MYO18B: variants seen among roughly 807,000 people sequenced by gnomAD.
The protein encoded by MYO18B is unconventional myosin-XVIIIb.
In MYO18B, 204 loss-of-function variants were observed where a neutral mutation model predicts 273.0. The ratio of observed to expected loss-of-function variants is 0.75; its 90% confidence interval spans 0.67 to 0.84. MYO18B has a LOEUF of 0.84. Ranked by LOEUF, MYO18B falls within the 40% of genes least tolerant of loss-of-function variation. MYO18B has a pLI of 0.00. For missense variants in MYO18B, 3,212 were observed against 3,287.6 expected (o/e 0.98, Z 0.56); for synonymous variants, 1,330 against 1,305.7 (o/e 1.02, Z -0.40).
In MYO18B at chr22:25,890,814, A is replaced by T. The variant is rs1247941551; in HGVS notation, c.4373A>T (p.Gln1458Leu). The change falls in exon 26 of 44, where the codon CAG (glutamine) becomes CTG (leucine). Residue 1458 changes from glutamine (Q) to leucine (L), a missense_variant. Physicochemically the swap from Gln to Leu is moderately radical, Grantham distance 113. Transcript: ENST00000335473. ...CGCTTCAAAGGTGATGTGGCCTGCC[A>T]GGTGCTGGAGAGTGAGCGGGCAGAG... is the stretch of plus-strand genomic sequence containing the variant. ...DERFKGDVAC[Q>L]VLESERAERL... The T allele has an allele frequency of 6.2e-7, 1 of 1,613,936 alleles. No individual in the cohort carries two copies. The highest frequency in any genetic ancestry group is 2.2e-5 in the East Asian group (1 of 44,878).
chr22:25,915,689 T>C (rs1211483658), intron 33 of MYO18B, among the ~76,000 whole-genome samples: 6 of 152,256 alleles, frequency 3.9e-5, no homozygotes, highest in African/African-American at 1.4e-4. Context: ...TGATGACTTG[T>C]CTCAATCTAT....
intron 21 of MYO18B, among the ~76,000 whole-genome samples, chr22:25,866,037 C>A (rs1165837536): frequency 6.6e-6 from 1 of 152,112 alleles, no homozygotes; most frequent in African/African-American, 2.4e-5. Context: ...ATGGAGCTTC[C>A]TTCCTGATTG....
rs1299876841 is a variant in MYO18B, at chr22:25,963,597, A to G, written c.6156+8233A>G. Among the ~76,000 whole-genome samples the G allele has an allele frequency of 6.7e-5, 10 of 149,672 alleles. No individual in the cohort carries two copies. The East Asian group carries it at 1.8e-3, about 26-fold the overall frequency. ...TTCTGCAAAGACCCTATTTCCCAATAAGGTCCCATTCTGAGTTTTTAGGTG... is the reference window on the plus strand; with the variant it reads ...TTCTGCAAAGACCCTATTTCCCAATGAGGTCCCATTCTGAGTTTTTAGGTG... On this transcript the variant is annotated intron_variant, in intron 39 of 43. Transcript: ENST00000335473.
At chr22:25,971,946 CAA>C (rs112080760) in intron 39 of MYO18B, among the ~76,000 whole-genome samples, 1 of 143,836 alleles carries the variant, frequency 7.0e-6, no homozygotes, top group Non-Finnish European at 1.5e-5. Flanking sequence ...CCTGAAAGGG[CAA>C]AAAAAAAAAA....
At chr22:25,940,463 T>G (rs2092631141) in intron 34 of MYO18B, among the ~76,000 whole-genome samples, 1 of 152,188 alleles carries the variant, frequency 6.6e-6, no homozygotes, top group Non-Finnish European at 1.5e-5. Flanking sequence ...CTCAGGTATG[T>G]CTTTATTAGT....
chr22:25,870,167 G>T (rs2285193), intron 22 of MYO18B, among the ~76,000 whole-genome samples: 2 of 152,050 alleles, frequency 1.3e-5, no homozygotes, highest in Non-Finnish European at 2.9e-5. Flanking sequence ...GGTCTTTTCC[G>T]TACACTCTGG....
Position 25,883,587 on chromosome 22 carries a change from T to G in MYO18B, c.4314+5539T>G, listed in dbSNP as rs1181085769. On this transcript the variant is annotated intron_variant, in intron 25 of 43. Transcript: ENST00000335473. This position sits in a 1 kb window ranked among gnomAD's most constrained non-coding sequence, Gnocchi z 7.6. ...GATATCTTCTTCCATGTGCATCTGC[T>G]TCCTTGGAAGGGAATTTCTGTTAAC... 1 of 152,204 alleles carries G rather than the reference T, an allele frequency of 6.6e-6. No homozygotes were observed. Among genetic ancestry groups the G allele is most frequent in the East Asian group, 1.9e-4 (1 of 5,192 alleles). The allele number at this position is 152,204 out of a possible 1,614,324, so 9.4% of individuals were successfully genotyped here.
the MYO18B span, among the ~76,000 whole-genome samples, chr22:26,051,843 TTAAA>T: frequency 1.3e-5 from 2 of 152,244 alleles, no homozygotes; most frequent in African/African-American, 4.8e-5. Context: ...TTTGAGCATA[TTAAA>T]TAAATGTTTC....
chr22:25,922,833 T>C (rs1403591053), intron 34 of MYO18B, among the ~76,000 whole-genome samples: 1 of 152,234 alleles, frequency 6.6e-6, no homozygotes, highest in Non-Finnish European at 1.5e-5. Context: ...TGTCAGTTTC[T>C]ATCTGTAAAA....
At chr22:25,774,251 C>G (rs1264540484) in intron 7 of MYO18B, among the ~76,000 whole-genome samples, 1 of 152,218 alleles carries the variant, frequency 6.6e-6, no homozygotes, top group Non-Finnish European at 1.5e-5. Context: ...CTCCCACCAC[C>G]GCTGTCCATG....
intron 7 of MYO18B, among the ~76,000 whole-genome samples, chr22:25,775,835 G>A (rs1335301123): frequency 6.6e-6 from 1 of 150,808 alleles, no homozygotes; most frequent in African/African-American, 2.4e-5. Flanking sequence ...TTCTTTCATC[G>A]ATCATCTCTG....
At chr22:25,999,109 C>T (rs1039334562) in intron 40 of MYO18B, among the ~76,000 whole-genome samples, 19 of 152,194 alleles carry the variant, frequency 1.2e-4, no homozygotes, top group Non-Finnish European at 2.5e-4. Flanking sequence ...TACCATTATT[C>T]TTCCCAGTTT....
At chr22:25,777,117 G>A (rs995851599) in intron 7 of MYO18B, among the ~76,000 whole-genome samples, 4 of 152,284 alleles carry the variant, frequency 2.6e-5, no homozygotes, top group Middle Eastern at 3.4e-3. Context: ...AGCAGATACG[G>A]TTTTAGTTAT....
At position 25,955,320 on chromosome 22, in the gene MYO18B, C is replaced by T. The variant is rs747384758; in HGVS notation, c.6112C>T (p.Leu2038=). 47 of 1,613,598 alleles carry T rather than the reference C, an allele frequency of 2.9e-5. No individual in the cohort carries two copies. The highest frequency in any genetic ancestry group is 3.5e-5 in the Non-Finnish European group (41 of 1,179,784). Residue 2038 remains leucine (L), a synonymous_variant, in exon 39 of 44, where the codon CTG becomes TTG. Coordinates refer to ENST00000335473, the MANE Select transcript of MYO18B (RefSeq NM_032608.7). ...AGAGCTGAAGGCCGACATGGAAGAG[C>T]TGGTGCAGCGGGAGGCAGAGGCCAG... ...LEELKADMEE[L]VQREAEASRR... is the part of the protein sequence containing the mutation.
rs1936648341 is a variant in MYO18B at position 26,031,004 on chromosome 22, GAATGAGCCAAAGAACAAATA to G, written c.*583_*602del. 5.0e-6 allele frequency: 2 copies of G among 398,452 alleles called. No homozygotes were observed. The highest frequency in any genetic ancestry group is 8.8e-6 in the Non-Finnish European group (2 of 226,026). The allele number at this position is 398,452 out of a possible 1,614,324, so 24.7% of individuals were successfully genotyped here. On this transcript the variant is annotated 3_prime_UTR_variant, in exon 44 of 44. Coordinates refer to ENST00000335473, the MANE Select transcript of MYO18B (RefSeq NM_032608.7). Reference sequence around the variant, plus strand: ...AGAAACTGATGAATGATGAATGAATGAATGAGCCAAAGAACAAATAAATGAGCCCACACACCCTGAACGCA... The same window carrying G: ...AGAAACTGATGAATGATGAATGAATGAATGAGCCCACACACCCTGAACGCA...
In MYO18B at chr22:26,027,657, G is replaced by T. The variant is rs1460822593; in HGVS notation, c.7683G>T (p.Met2561Ile). The change falls in exon 43 of 44, where the codon ATG (methionine) becomes ATT (isoleucine). Residue 2561 changes from methionine to isoleucine, a missense_variant. By Grantham distance (10) the Met-to-Ile change is conservative. Coordinates refer to ENST00000335473, the MANE Select transcript of MYO18B (RefSeq NM_032608.7). The surrounding 1 kb of genome is among the most constrained non-coding windows in gnomAD (Gnocchi z 4.1). ...GRKDDDVASI[M>I]KKYLQK is the part of the protein sequence containing the mutation. ...AAGACGACGATGTTGCGAGCATAAT[G>T]AAGAAATACCTCCAGAAGTAGGAAC... The T allele has an allele frequency of 5.0e-6, 8 of 1,612,502 alleles. 1 individual carries two copies. The South Asian group carries it at 8.8e-5, about 18-fold the overall frequency.
chr22:25,977,690 C>T (rs2093106553), intron 39 of MYO18B, among the ~76,000 whole-genome samples: 1 of 152,064 alleles, frequency 6.6e-6, no homozygotes, highest in Admixed American at 6.6e-5. Context: ...AGAGGAGACC[C>T]CCCAGGTTGG....
intron 40 of MYO18B, among the ~76,000 whole-genome samples, chr22:25,997,960 C>G (rs866740087): frequency 6.7e-5 from 9 of 134,006 alleles, no homozygotes; most frequent in Admixed American, 6.5e-4. Flanking sequence ...CACACACAAA[C>G]ACACACACAC....
At chr22:25,973,090 T>G (rs928357130) in intron 39 of MYO18B, among the ~76,000 whole-genome samples, 1 of 152,236 alleles carries the variant, frequency 6.6e-6, no homozygotes, top group Admixed American at 6.5e-5. Flanking sequence ...ATCTTGTTTC[T>G]GAAGGACACT....
Sources: allele counts gnomAD v4.1 joint callset (sites outside exome capture counted in the v4.1 genomes callset), GRCh38; gene constraint gnomAD v4.1.1; non-coding constraint Gnocchi (gnomAD v3.1); transcripts MANE v1.5; gene names NCBI Gene and HGNC (gene_info 2026-07-23, HGNC 2026-07-21).